STAC: variants seen among roughly 807,000 people sequenced by gnomAD.
STAC encodes SH3 and cysteine rich domain.
Under a neutral mutation model 48.8 loss-of-function variants are expected in STAC, and 43 were observed. The ratio of observed to expected loss-of-function variants is 0.88; its 90% confidence interval spans 0.69 to 1.14. The LOEUF (loss-of-function observed/expected upper bound fraction) is 1.14. Ranked by LOEUF, STAC falls within the 50% of genes most tolerant of loss-of-function variation. The pLI is 0.00. For synonymous variants in STAC, 193 were observed against 179.5 expected (o/e 1.07, Z -0.60); for missense variants, 497 against 504.0 (o/e 0.99, Z 0.13).
At chr3:36,429,532 C>T (rs1034984214) in intron 1 of STAC, among the ~76,000 whole-genome samples, 1 of 152,138 alleles carries the variant, frequency 6.6e-6, no homozygotes. Context: ...TAAGGGCTGA[C>T]ATATGTAGCA....
intron 6 of STAC, among the ~76,000 whole-genome samples, chr3:36,503,858 G>A (rs1698335945): frequency 6.6e-6 from 1 of 152,088 alleles, no homozygotes; most frequent in African/African-American, 2.4e-5. Context: ...TAGCCCCAAT[G>A]CACTGACAAT....
chr3:36,541,479 G>C (rs1298012537), intron 10 of STAC, among the ~76,000 whole-genome samples: 1 of 152,204 alleles, frequency 6.6e-6, no homozygotes, highest in Non-Finnish European at 1.5e-5. Flanking sequence ...TTGCCCAGCT[G>C]AAATGGTGAG....
chr3:36,402,606 C>G (rs993699780), intron 1 of STAC, among the ~76,000 whole-genome samples: 6 of 151,756 alleles, frequency 4.0e-5, no homozygotes, highest in African/African-American at 1.5e-4. Context: ...AAGGGCTAGG[C>G]AAGGGAACAG....
chr3:36,389,615 C>T (rs1194112485), intron 1 of STAC, among the ~76,000 whole-genome samples: 1 of 152,058 alleles, frequency 6.6e-6, no homozygotes, highest in Admixed American at 6.6e-5. Flanking sequence ...ATAAGAAATT[C>T]ATTTTTATAT....
chr3:36,523,348 C>T (rs960993527), intron 8 of STAC, among the ~76,000 whole-genome samples: 1 of 152,216 alleles, frequency 6.6e-6, no homozygotes, highest in Non-Finnish European at 1.5e-5. Flanking sequence ...GCTCTGACCT[C>T]TTTTCACTAA....
intron 10 of STAC, among the ~76,000 whole-genome samples, chr3:36,541,842 A>T (rs963537124): frequency 1.3e-5 from 2 of 152,172 alleles, no homozygotes; most frequent in African/African-American, 4.8e-5. Context: ...TCTGCTCTGC[A>T]TATGCTGCAC....
chr3:36,380,802 C>A, intron 1 of STAC, 48 bp downstream of exon 1: 1 of 1,446,482 alleles, frequency 6.9e-7, no homozygotes, highest in Non-Finnish European at 9.6e-7. Flanking sequence ...ACTCTCCTCT[C>A]CTGTCGGTCC....
intron 5 of STAC, among the ~76,000 whole-genome samples, chr3:36,486,536 T>C (rs569805965): frequency 6.6e-6 from 1 of 152,256 alleles, no homozygotes; most frequent in East Asian, 1.9e-4. Flanking sequence ...CCACCAACAT[T>C]AGATAACATA....
intron 6 of STAC, among the ~76,000 whole-genome samples, chr3:36,500,949 C>T (rs1457500370): frequency 3.3e-5 from 5 of 151,994 alleles, no homozygotes; most frequent in Admixed American, 1.3e-4. Flanking sequence ...GAAAATTAGC[C>T]GGGCAGGGTG....
intron 1 of STAC, among the ~76,000 whole-genome samples, chr3:36,398,640 AAGAAAGAAAG>A (rs1398998239): frequency 8.5e-6 from 1 of 117,688 alleles, no homozygotes; most frequent in Admixed American, 8.6e-5. Context: ...GAGAGAAAGA[AAGAAAGAAAG>A]AGAAAGAAAG....
At chr3:36,412,788 T>C (rs1575182539) in intron 1 of STAC, among the ~76,000 whole-genome samples, 1 of 152,204 alleles carries the variant, frequency 6.6e-6, no homozygotes, top group Non-Finnish European at 1.5e-5. Context: ...AAATATTACG[T>C]ATTTTTTTAA....
intron 2 of STAC, among the ~76,000 whole-genome samples, chr3:36,457,591 T>A (rs1350308044): frequency 6.6e-6 from 1 of 152,066 alleles, no homozygotes; most frequent in African/African-American, 2.4e-5. Context: ...AGCCTTGAGC[T>A]AGAAGAGCAA....
chr3:36,483,004 A>T lies in STAC; in HGVS notation c.401A>T (p.Lys134Met). ...CNHMIVGTNA[K>M]HGLRCKACKM... ...ATGTACCTGACAGGAACAAATGCTA[A>T]GCATGGACTGCGCTGCAAAGCCTGT... The change falls in exon 3 of 11, where the codon AAG becomes ATG. Residue 134 changes from lysine to methionine, a missense_variant. Transcript: ENST00000273183. The T allele has an allele frequency of 6.2e-7, 1 of 1,614,066 alleles. No individual in the cohort carries two copies. Among genetic ancestry groups the T allele is most frequent in the Non-Finnish European group, 8.5e-7 (1 of 1,179,892 alleles).
intron 6 of STAC, among the ~76,000 whole-genome samples, chr3:36,503,332 A>G (rs1201886812): frequency 6.6e-6 from 1 of 152,212 alleles, no homozygotes; most frequent in African/African-American, 2.4e-5. Context: ...ACCAAACTAG[A>G]TAAGGCAGAA....
At chr3:36,492,796 G>A (rs2290529) in intron 5 of STAC, among the ~76,000 whole-genome samples, 73 of 152,204 alleles carry the variant, frequency 4.8e-4, no homozygotes, top group African/African-American at 2.9e-4. Flanking sequence ...AAGAGCTAGC[G>A]TTTTATTGAA....
intron 10 of STAC, among the ~76,000 whole-genome samples, chr3:36,534,212 T>G (rs1426873136): frequency 6.6e-6 from 1 of 152,166 alleles, no homozygotes; most frequent in Non-Finnish European, 1.5e-5. Flanking sequence ...AATGTCAACC[T>G]TCTCATCAGC....
chr3:36,519,439 G>A (rs1299789863), intron 8 of STAC, among the ~76,000 whole-genome samples: 1 of 152,158 alleles, frequency 6.6e-6, no homozygotes, highest in Non-Finnish European at 1.5e-5. Context: ...AACCCTTGGA[G>A]GTGACTCCCA....
rs571045204 is a variant in STAC at position 36,384,127 on chromosome 3, T to C, written c.111+3373T>C. On this transcript the variant is annotated intron_variant, in intron 1 of 10. Transcript: ENST00000273183. The stretch of plus-strand genomic sequence containing the variant: ...TTTTTTAAGGGCTTGACAGAGACCA[T>C]TGAATATAAACAAAAATTTCATGTC... Among the ~76,000 whole-genome samples the C allele has an allele frequency of 4.6e-4, 70 of 152,322 alleles. 1 individual carries two copies. The East Asian group carries it at 9.2e-3, about 20-fold the overall frequency.
chr3:36,477,480 T>TA lies in STAC; in HGVS notation c.389-5501dup, dbSNP rs961089529. Among the ~76,000 whole-genome samples, 161 of 148,364 alleles carry TA rather than the reference T, an allele frequency of 1.1e-3. 1 individual carries two copies. In the South Asian group the frequency reaches 0.011, roughly 10 times the overall value. On this transcript the variant is annotated intron_variant, in intron 2 of 10. Transcript: ENST00000273183. ...GATATATGTAATTAATTTCATTTTT[T>TA]AAAAAAAAAAAGTTGATGCATGCTA... is the stretch of plus-strand genomic sequence containing the variant.
Sources: gnomAD v4.1 joint callset for allele counts (sites outside exome capture counted in the v4.1 genomes callset) on GRCh38, gnomAD v4.1.1 for gene constraint, MANE v1.5 for transcripts, NCBI Gene and HGNC (gene_info 2026-07-23, HGNC 2026-07-21) for gene names.